Variants in UST observed in about 807,000 individuals in gnomAD.
UST encodes the protein uronyl 2-sulfotransferase, also known as chondroitin sulfate 2-O-sulfotransferase.
Under a neutral mutation model 45.6 loss-of-function variants are expected in UST, and 21 were observed. The ratio of observed to expected loss-of-function variants is 0.46; its 90% CI spans 0.33 to 0.66. UST has a LOEUF of 0.66. UST is among the 30% of genes least tolerant of loss of function. The pLI is 0.02. For synonymous variants in UST, 215 were observed against 200.6 expected, an observed-to-expected ratio of 1.07 and a Z score of -0.61; for missense variants, 463 against 512.4, an observed-to-expected ratio of 0.90 and a Z score of 0.93.
intron 2 of UST, among the ~76,000 whole-genome samples, chr6:148,897,278 G>C (rs2114858213): frequency 6.6e-6 from 1 of 151,870 alleles, no homozygotes; most frequent in Admixed American, 6.6e-5. Context: ...GGTGATTCTT[G>C]TGCCTCAGCC....
Position 149,034,845 on chromosome 6 carries a change from TC to T in UST, c.937+13365del, listed in dbSNP as rs1562335619. ...CATATTCATGCTCATTCTCTCTCTC[TC>T]TCTCTCTCTCTCTCTCTCTCTCTCT... On this transcript the variant is annotated intron_variant, in intron 7 of 7. Coordinates refer to ENST00000367463, the MANE Select transcript of UST (RefSeq NM_005715.3). Among the ~76,000 whole-genome samples, 51 of 23,248 alleles carry T rather than the reference TC, an allele frequency of 2.2e-3. 2 individuals are homozygous for T. Among genetic ancestry groups the T allele is most frequent in the South Asian group, 4.0e-3 (2 of 502 alleles). 15.3% of individuals were successfully genotyped at this position (23,248 alleles called of 152,430 possible).
intron 1 of UST, among the ~76,000 whole-genome samples, chr6:148,772,577 C>T (rs922375808): frequency 1.8e-4 from 27 of 152,070 alleles, no homozygotes; most frequent in African/African-American, 5.8e-4. Flanking sequence ...TGTGCACCAC[C>T]ATGCCCGGCT....
intron 5 of UST, among the ~76,000 whole-genome samples, chr6:148,999,880 T>C (rs1781515188): frequency 6.6e-6 from 1 of 152,160 alleles, no homozygotes; most frequent in Admixed American, 6.5e-5. Context: ...GAGTTCACAC[T>C]CTCTTGACCC....
chr6:148,788,348 T>C lies in UST; in HGVS notation c.247+40671T>C, dbSNP rs1279580689. ...TATCATCGTTCAACTAGAAAATATA[T>C]ATATATACACACACACACACTTAGT... On this transcript the variant is annotated intron_variant, in intron 1 of 7. Transcript: ENST00000367463. Among the ~76,000 whole-genome samples the C allele has an allele frequency of 2.0e-5, 3 of 151,950 alleles. No individual in the cohort carries two copies. The East Asian group carries it at 5.9e-4, about 30-fold the overall frequency.
At chr6:148,938,409 T>C (rs533977488) in intron 2 of UST, among the ~76,000 whole-genome samples, 6 of 152,188 alleles carry the variant, frequency 3.9e-5, no homozygotes, top group Non-Finnish European at 7.4e-5. Context: ...ATGATATAGA[T>C]ATTATATTTT....
Position 149,019,174 on chromosome 6 carries a change from G to A in UST, c.717G>A (p.Glu239=). The A allele has an allele frequency of 6.2e-7, 1 of 1,613,968 alleles. No homozygotes were observed. Among genetic ancestry groups the A allele is most frequent in the Non-Finnish European group, 8.5e-7 (1 of 1,179,968 alleles). The stretch of plus-strand genomic sequence containing the variant: ...AGTGTATTCTTGAAAACTATCCCGA[G>A]TGCTCCAACCCCAGGTTATTTTACA... ...INECILENYP[E]CSNPRLFYII... Residue 239 remains glutamate (E), a synonymous_variant, in exon 6 of 8, where the codon GAG becomes GAA. Transcript: ENST00000367463.
intron 1 of UST, among the ~76,000 whole-genome samples, chr6:148,765,746 T>C (rs957903047): frequency 6.7e-6 from 1 of 150,084 alleles, no homozygotes; most frequent in African/African-American, 2.5e-5. Flanking sequence ...ATTATAAAAG[T>C]ATTAATTTGG....
chr6:148,770,810 G>A (rs759370898), intron 1 of UST, among the ~76,000 whole-genome samples: 25 of 152,186 alleles, frequency 1.6e-4, no homozygotes, highest in Non-Finnish European at 2.9e-4. Flanking sequence ...GGTGCAGCGG[G>A]CAGAGGGAGA....
At chr6:148,860,753 T>A (rs12178587) in intron 1 of UST, among the ~76,000 whole-genome samples, 38,993 of 152,148 alleles carry the variant, frequency 0.26, 5,517 homozygotes, top group East Asian at 0.57. Context: ...ATTGAGATAA[T>A]CACATGGTTT....
chr6:148,887,499 C>T (rs1389041603), intron 2 of UST, among the ~76,000 whole-genome samples: 1 of 152,224 alleles, frequency 6.6e-6, no homozygotes, highest in Admixed American at 6.5e-5. Context: ...CCTGTGAGTC[C>T]ACTTTTGTTT....
At position 148,832,528 on chromosome 6, in the gene UST, G is replaced by A. The variant is rs529493928; in HGVS notation, c.248-54458G>A. Among the ~76,000 whole-genome samples, 30 of 152,342 alleles carry A rather than the reference G, an allele frequency of 2.0e-4. No homozygotes were observed. In the South Asian group the frequency reaches 4.1e-3, roughly 21 times the overall value. On this transcript the variant is annotated intron_variant, in intron 1 of 7. Coordinates refer to ENST00000367463, the MANE Select transcript of UST (RefSeq NM_005715.3). ...GCTGAGACAGACCAAAAACTGATCAGCATCCCATAGAGTGAAATAACCATG... is the reference window on the plus strand; with the variant it reads ...GCTGAGACAGACCAAAAACTGATCAACATCCCATAGAGTGAAATAACCATG...
chr6:149,050,536 C>T (rs1288171762), intron 7 of UST, among the ~76,000 whole-genome samples: 1 of 152,160 alleles, frequency 6.6e-6, no homozygotes, highest in Non-Finnish European at 1.5e-5. Context: ...ATGACATTTG[C>T]CTATTTGCTT....
Position 149,069,362 on chromosome 6 carries a change from G to A in UST, c.938-4471G>A, listed in dbSNP as rs139235093. Reference sequence around the variant, plus strand: ...GTTCTAATTGGCATTCCCACCAACAGTGTATAAGAGTTCCCTTTTCTCCAC... The same window carrying A: ...GTTCTAATTGGCATTCCCACCAACAATGTATAAGAGTTCCCTTTTCTCCAC... On this transcript the variant is annotated intron_variant, in intron 7 of 7. Coordinates refer to ENST00000367463, the MANE Select transcript of UST (RefSeq NM_005715.3). 2.9e-3 allele frequency among the ~76,000 whole-genome samples: 441 copies of A among 152,270 alleles called. 1 individual carries two copies. Among genetic ancestry groups the A allele is most frequent in the South Asian group, 6.9e-3 (33 of 4,812 alleles).
intron 2 of UST, among the ~76,000 whole-genome samples, chr6:148,901,594 G>C (rs1200459967): frequency 1.4e-5 from 2 of 139,568 alleles, no homozygotes; most frequent in Non-Finnish European, 3.1e-5. Context: ...TTTTGCTCTT[G>C]TCACCCTGAC....
chr6:148,816,121 C>G (rs1582829749), intron 1 of UST, among the ~76,000 whole-genome samples: 1 of 152,058 alleles, frequency 6.6e-6, no homozygotes, highest in East Asian at 1.9e-4. Context: ...AGATAGAGCA[C>G]TTGAAATTAC....
intron 7 of UST, among the ~76,000 whole-genome samples, chr6:149,051,152 C>G (rs532577269): frequency 6.6e-6 from 1 of 152,332 alleles, no homozygotes; most frequent in African/African-American, 2.4e-5. Context: ...CGACCAGAAG[C>G]CTCCACGGTG....
intron 1 of UST, among the ~76,000 whole-genome samples, chr6:148,863,278 C>T (rs1463012278): frequency 1.3e-5 from 2 of 152,190 alleles, no homozygotes; most frequent in East Asian, 1.9e-4. Context: ...CTTTCTTCCA[C>T]TTGATCGAAT....
At chr6:149,044,627 G>A (rs2115033185) in intron 7 of UST, among the ~76,000 whole-genome samples, 1 of 152,296 alleles carries the variant, frequency 6.6e-6, no homozygotes, top group South Asian at 2.1e-4. Flanking sequence ...TGCCCGCTCT[G>A]CCTCATTCGG....
At chr6:148,771,684 G>A (rs1385418273) in intron 1 of UST, among the ~76,000 whole-genome samples, 1 of 152,136 alleles carries the variant, frequency 6.6e-6, no homozygotes, top group African/African-American at 2.4e-5. Context: ...GCTCTAACAG[G>A]TGCTCCATGC....
Sources: allele counts gnomAD v4.1 joint callset (sites outside exome capture counted in the v4.1 genomes callset), GRCh38; gene constraint gnomAD v4.1.1; transcripts MANE v1.5; gene names NCBI Gene and HGNC (gene_info 2026-07-23, HGNC 2026-07-21).